Variants in DCUN1D5 observed in about 807,000 individuals in gnomAD.
The protein encoded by DCUN1D5 is DCN1-like protein 5.
DCUN1D5 carries 10 observed loss-of-function variants against 38.3 expected under a neutral mutation model. The observed-to-expected ratio is 0.26, with a 90% CI of 0.16 to 0.44. DCUN1D5 has a LOEUF of 0.44. Among genes scored for constraint, DCUN1D5 ranks in the 20% least tolerant of loss-of-function variants. The pLI is 1.00. For missense variants in DCUN1D5, 148 were observed against 275.3 expected (o/e 0.54, Z 3.27); for synonymous variants, 93 against 90.9 (o/e 1.02, Z -0.13).
Position 103,054,884 on chromosome 11 carries a change from A to G in DCUN1D5, c.*7475T>C, listed in dbSNP as rs1861834535. On this transcript the variant is annotated 3_prime_UTR_variant, in exon 8 of 8. Coordinates refer to ENST00000260247, the MANE Select transcript of DCUN1D5 (RefSeq NM_032299.4). The stretch of plus-strand genomic sequence containing the variant: ...CTTTCCTAGCACTAGAAAAAAACAT[A>G]GTAGATGGCAAACCTGTCACATAAG... 2 of 152,126 alleles carry G rather than the reference A, an allele frequency of 1.3e-5. No individual in the cohort carries two copies. Among genetic ancestry groups the G allele is most frequent in the African/African-American group, 4.8e-5 (2 of 41,424 alleles). 9.4% of individuals were successfully genotyped at this position (152,126 alleles called of 1,614,324 possible).
chr11:103,092,038 G>C lies in DCUN1D5; in HGVS notation c.-166C>G. On this transcript the variant is annotated 5_prime_UTR_variant, in exon 1 of 8. Coordinates refer to ENST00000260247, the MANE Select transcript of DCUN1D5 (RefSeq NM_032299.4). ...CCAGCCCGGCCGCCGCCCGCTCCCA[G>C]GTATCCTCGTCGTCTTTCTCTGACC... The C allele has an allele frequency of 1.6e-6, 1 of 619,486 alleles. No homozygotes were observed. The highest frequency in any genetic ancestry group is 2.8e-6 in the Non-Finnish European group (1 of 356,636). 38.4% of individuals were successfully genotyped at this position (619,486 alleles called of 1,614,324 possible). A position where few individuals can be genotyped will look rare whatever the true frequency, so the allele number is the denominator to read the frequency against.
intron 4 of DCUN1D5, among the ~76,000 whole-genome samples, chr11:103,072,053 AAT>A (rs1198897743): frequency 2.0e-5 from 3 of 151,972 alleles, no homozygotes; most frequent in Non-Finnish European, 4.4e-5. Flanking sequence ...GAAAAAAAAA[AAT>A]AGAGGGGAGT....
rs976295971 is a variant in DCUN1D5, at chr11:103,053,134, T to C, written c.*9225A>G. 1.3e-5 allele frequency: 2 copies of C among 152,160 alleles called. No individual in the cohort carries two copies. Among genetic ancestry groups the C allele is most frequent in the Non-Finnish European group, 2.9e-5 (2 of 67,992 alleles). The allele number at this position is 152,160 out of a possible 1,614,324, so 9.4% of individuals were successfully genotyped here. Reference sequence around the variant, plus strand: ...TCATAGAATTTTGGCTTTTTATTTTTTAATATTTCTCTTTTTTAAAAATAG... The same window carrying C: ...TCATAGAATTTTGGCTTTTTATTTTCTAATATTTCTCTTTTTTAAAAATAG... On this transcript the variant is annotated 3_prime_UTR_variant, in exon 8 of 8. Coordinates refer to ENST00000260247, the MANE Select transcript of DCUN1D5 (RefSeq NM_032299.4). This position sits in a 1 kb window ranked among gnomAD's most constrained non-coding sequence, Gnocchi z 4.8.
At chr11:103,088,900 T>C (rs1468077321) in intron 2 of DCUN1D5, among the ~76,000 whole-genome samples, 1 of 152,326 alleles carries the variant, frequency 6.6e-6, no homozygotes, top group South Asian at 2.1e-4. Flanking sequence ...CAATATCAAA[T>C]ACAAAAATGT....
At chr11:103,080,950 A>AGGAGGCGGAG (rs1862547059) in intron 4 of DCUN1D5, among the ~76,000 whole-genome samples, 1 of 152,084 alleles carries the variant, frequency 6.6e-6, no homozygotes. Context: ...CGGAGGTTGC[A>AGGAGGCGGAG]GTGAGCCAAG....
At position 103,064,243 on chromosome 11, in the gene DCUN1D5, G is replaced by A. The variant is rs1245822716; in HGVS notation, c.658+32C>T. 2 of 1,564,976 alleles carry A rather than the reference G, an allele frequency of 1.3e-6. No homozygotes were observed. Among genetic ancestry groups the A allele is most frequent in the South Asian group, 1.1e-5 (1 of 87,860 alleles). On this transcript the variant is annotated intron_variant, in intron 7 of 7. Coordinates refer to ENST00000260247, the MANE Select transcript of DCUN1D5 (RefSeq NM_032299.4). This position sits in a 1 kb window ranked among gnomAD's most constrained non-coding sequence, Gnocchi z 4.5. The stretch of plus-strand genomic sequence containing the variant: ...CTCATTTAATATTTTTGGAAATTTT[G>A]TTTTCAAAGGAACATGTTATGTTAT...
At position 103,053,799 on chromosome 11, in the gene DCUN1D5, T is replaced by C. The variant is rs1861806028; in HGVS notation, c.*8560A>G. 1 of 152,126 alleles carries C rather than the reference T, an allele frequency of 6.6e-6. No individual in the cohort carries two copies. The highest frequency in any genetic ancestry group is 2.4e-5 in the African/African-American group (1 of 41,444). 9.4% of individuals were successfully genotyped at this position (152,126 alleles called of 1,614,324 possible). A position where few individuals can be genotyped will look rare whatever the true frequency, so the allele number is the denominator to read the frequency against. ...GTATCTGAGTGGTTCAATTTTTCCA[T>C]TTGACTCTACTATATATAACACTTA... On this transcript the variant is annotated 3_prime_UTR_variant, in exon 8 of 8. Transcript: ENST00000260247. The surrounding 1 kb of genome is among the most constrained non-coding windows in gnomAD (Gnocchi z 4.8).
chr11:103,067,111 G>C (rs1862153310), intron 4 of DCUN1D5, among the ~76,000 whole-genome samples: 1 of 152,144 alleles, frequency 6.6e-6, no homozygotes, highest in South Asian at 2.1e-4. Context: ...AAGTCAATCA[G>C]TAGAAGCACC....
Position 103,073,648 on chromosome 11 carries a change from T to C in DCUN1D5, c.342-7081A>G, listed in dbSNP as rs1417016688. On this transcript the variant is annotated intron_variant, in intron 4 of 7. Transcript: ENST00000260247. The surrounding 1 kb of genome is among the most constrained non-coding windows in gnomAD (Gnocchi z 4.2). ...AACATTTACATAGCTTTTACAGAAATTAATTCAAAATGCACCACTGACTTA... is the reference window on the plus strand; with the variant it reads ...AACATTTACATAGCTTTTACAGAAACTAATTCAAAATGCACCACTGACTTA... 1.3e-5 allele frequency among the ~76,000 whole-genome samples: 2 copies of C among 152,144 alleles called. No homozygotes were observed. Among genetic ancestry groups the C allele is most frequent in the African/African-American group, 4.8e-5 (2 of 41,426 alleles).
chr11:103,082,723 T>G (rs1215580987), intron 4 of DCUN1D5, 25 bp downstream of exon 4: 1 of 1,487,468 alleles, frequency 6.7e-7, no homozygotes, highest in African/African-American at 1.4e-5. Context: ...GGCCATCAAA[T>G]TTGTTTTTTA....
At chr11:103,079,556 C>T (rs1451346135) in intron 4 of DCUN1D5, among the ~76,000 whole-genome samples, 1 of 151,896 alleles carries the variant, frequency 6.6e-6, no homozygotes, top group Non-Finnish European at 1.5e-5. Flanking sequence ...CATAGTGAGA[C>T]AAGCTGGAGC....
rs1235194552 is a variant in DCUN1D5 at position 103,057,267 on chromosome 11, TAA to T, written c.*5090_*5091del. Among the ~76,000 whole-genome samples, 2 of 152,192 alleles carry T rather than the reference TAA, an allele frequency of 1.3e-5. No individual in the cohort carries two copies. Among genetic ancestry groups the T allele is most frequent in the African/African-American group, 4.8e-5 (2 of 41,446 alleles). ...TTCTGCTAAGTTTGATAAGTTAGTT[TAA>T]GTCTCAAATGACAAGTTGCTCAAAT... On this transcript the variant is annotated 3_prime_UTR_variant, in exon 8 of 8. Coordinates refer to ENST00000260247, the MANE Select transcript of DCUN1D5 (RefSeq NM_032299.4). The surrounding 1 kb of genome is among the most constrained non-coding windows in gnomAD (Gnocchi z 4.8).
In DCUN1D5 at chr11:103,071,556, G is replaced by A. The variant is rs1018882598; in HGVS notation, c.342-4989C>T. ...TATATATAGATATTTTATATCTATTGATTTATATAGATATAATCTATATCT... is the reference window on the plus strand; with the variant it reads ...TATATATAGATATTTTATATCTATTAATTTATATAGATATAATCTATATCT... On this transcript the variant is annotated intron_variant, in intron 4 of 7. Coordinates refer to ENST00000260247, the MANE Select transcript of DCUN1D5 (RefSeq NM_032299.4). This position sits in a 1 kb window ranked among gnomAD's most constrained non-coding sequence, Gnocchi z 4.1. 6.7e-6 allele frequency among the ~76,000 whole-genome samples: 1 copy of A among 148,970 alleles called. No homozygotes were observed. The highest frequency in any genetic ancestry group is 1.5e-5 in the Non-Finnish European group (1 of 67,308).
Position 103,092,050 on chromosome 11 carries a change from G to T in DCUN1D5, c.-178C>A. 1 of 604,094 alleles carries T rather than the reference G, an allele frequency of 1.7e-6. No homozygotes were observed. Among genetic ancestry groups the T allele is most frequent in the Non-Finnish European group, 2.9e-6 (1 of 343,476 alleles). 37.4% of individuals were successfully genotyped at this position (604,094 alleles called of 1,614,324 possible). The stretch of plus-strand genomic sequence containing the variant: ...CCGCCCGCTCCCAGGTATCCTCGTC[G>T]TCTTTCTCTGACCGGGACAGGGCTG... On this transcript the variant is annotated 5_prime_UTR_variant, in exon 1 of 8. Coordinates refer to ENST00000260247, the MANE Select transcript of DCUN1D5 (RefSeq NM_032299.4).
chr11:103,082,543 T>C (rs1342853364), intron 4 of DCUN1D5, among the ~76,000 whole-genome samples: 1 of 152,008 alleles, frequency 6.6e-6, no homozygotes, highest in Non-Finnish European at 1.5e-5. Flanking sequence ...TGTACTAAGG[T>C]TCTTTCTTAG....
intron 4 of DCUN1D5, among the ~76,000 whole-genome samples, chr11:103,081,448 CTG>C (rs1862561727): frequency 6.6e-6 from 1 of 152,084 alleles, no homozygotes; most frequent in African/African-American, 2.4e-5. Context: ...ATGTATTTAA[CTG>C]GGCATATTAT....
At chr11:103,081,569 C>T (rs906222118) in intron 4 of DCUN1D5, among the ~76,000 whole-genome samples, 7 of 152,054 alleles carry the variant, frequency 4.6e-5, no homozygotes, top group African/African-American at 9.7e-5. Context: ...AGTAGGAATA[C>T]AGTATTAGAG....
chr11:103,055,960 C>T lies in DCUN1D5; in HGVS notation c.*6399G>A, dbSNP rs117291173. 0.017 allele frequency among the ~76,000 whole-genome samples: 2,515 copies of T among 152,274 alleles called. 25 individuals are homozygous for T. Among genetic ancestry groups the T allele is most frequent in the Middle Eastern group, 0.024 (7 of 294 alleles). On this transcript the variant is annotated 3_prime_UTR_variant, in exon 8 of 8. Transcript: ENST00000260247. ...CTGAGTCTTCGCCATCTTATTAATG[C>T]CCACTTCATTCTTCAAGCCAAAAAC...
Position 103,051,591 on chromosome 11 carries a change from A to G in DCUN1D5, c.*10768T>C, listed in dbSNP as rs1463564032. On this transcript the variant is annotated 3_prime_UTR_variant, in exon 8 of 8. Transcript: ENST00000260247. ...GTGGCTCCATTATTTTCATTAGTCAATATCATTTATTCTTTGTCATTAAAC... is the reference window on the plus strand; with the variant it reads ...GTGGCTCCATTATTTTCATTAGTCAGTATCATTTATTCTTTGTCATTAAAC... 1 of 149,976 alleles carries G rather than the reference A, an allele frequency of 6.7e-6. No individual in the cohort carries two copies. Among genetic ancestry groups the G allele is most frequent in the South Asian group, 2.1e-4 (1 of 4,786 alleles). The allele number at this position is 149,976 out of a possible 1,614,324, so 9.3% of individuals were successfully genotyped here.
Sources: gnomAD v4.1 joint callset for allele counts (sites outside exome capture counted in the v4.1 genomes callset) on GRCh38, gnomAD v4.1.1 for gene constraint, Gnocchi (gnomAD v3.1) non-coding constraint, MANE v1.5 for transcripts, NCBI Gene and HGNC (gene_info 2026-07-23, HGNC 2026-07-21) for gene names.